Variants in SLC28A3 observed in about 807,000 individuals in gnomAD.
SLC28A3 encodes the protein solute carrier family 28 member 3.
SLC28A3 carries 68 observed loss-of-function variants against 84.2 expected under a neutral mutation model. The ratio of observed to expected loss-of-function variants is 0.81; its 90% CI spans 0.66 to 0.99. The LOEUF (loss-of-function observed/expected upper bound fraction) is 0.99. Among genes scored for constraint, SLC28A3 ranks in the 50% least tolerant of loss-of-function variants. SLC28A3 has a pLI of 0.00. For synonymous variants in SLC28A3, 267 were observed against 303.6 expected, an observed-to-expected ratio of 0.88 and a Z score of 1.25; for missense variants, 712 against 841.5, an observed-to-expected ratio of 0.85 and a Z score of 1.90.
chr9:84,313,344 A>G lies in SLC28A3; in HGVS notation c.156+15T>C. On this transcript the variant is annotated intron_variant, in intron 2 of 17. Transcript: ENST00000376238. Reference sequence around the variant, plus strand: ...TGCCATGGTACTAGAGTCATGCACCACAGTCTTGCTGTACCTGTTTGGTGT... The same window carrying G: ...TGCCATGGTACTAGAGTCATGCACCGCAGTCTTGCTGTACCTGTTTGGTGT... The G allele has an allele frequency of 6.2e-7, 1 of 1,612,648 alleles. No individual in the cohort carries two copies. The highest frequency in any genetic ancestry group is 8.5e-7 in the Non-Finnish European group (1 of 1,179,076).
rs895222930 is a variant in SLC28A3 at position 84,278,434 on chromosome 9, C to A, written c.1950-90G>T. On this transcript the variant is annotated intron_variant, in intron 17 of 17. Transcript: ENST00000376238. ...CAATGACATTAAAAATAGTTCAGGGCAGGAAGCTGATTTTCTTGCTCACAT... is the reference window on the plus strand; with the variant it reads ...CAATGACATTAAAAATAGTTCAGGGAAGGAAGCTGATTTTCTTGCTCACAT... 8.6e-6 allele frequency: 13 copies of A among 1,518,842 alleles called. No homozygotes were observed. The African/African-American group carries it at 1.4e-4, about 16-fold the overall frequency. 94.1% of individuals were successfully genotyped at this position (1,518,842 alleles called of 1,614,324 possible). A position where few individuals can be genotyped will look rare whatever the true frequency, so the allele number is the denominator to read the frequency against.
chr9:84,350,424 A>G, the SLC28A3 span, among the ~76,000 whole-genome samples: 3 of 152,016 alleles, frequency 2.0e-5, no homozygotes, highest in African/African-American at 7.2e-5. Context: ...CTGGGCAACA[A>G]GAGTGAAACC....
intron 5 of SLC28A3, among the ~76,000 whole-genome samples, chr9:84,300,573 C>T (rs1388026322): frequency 6.6e-6 from 1 of 152,166 alleles, no homozygotes; most frequent in Non-Finnish European, 1.5e-5. Context: ...GTTGGGATTG[C>T]ACAAGCCCAG....
intron 1 of SLC28A3, among the ~76,000 whole-genome samples, chr9:84,336,752 C>T (rs1159963211): frequency 6.6e-6 from 1 of 152,196 alleles, no homozygotes; most frequent in African/African-American, 2.4e-5. Context: ...CAGAGGCCAC[C>T]TGACCTGATG....
chr9:84,342,189 T>C (rs1030039401), upstream of SLC28A3, among the ~76,000 whole-genome samples: 3 of 148,874 alleles, frequency 2.0e-5, no homozygotes, highest in African/African-American at 7.5e-5. Context: ...CCAAGTATTA[T>C]GAGTGGTTAT....
At chr9:84,319,450 G>C (rs978019644) in intron 1 of SLC28A3, among the ~76,000 whole-genome samples, 2 of 152,204 alleles carry the variant, frequency 1.3e-5, no homozygotes, top group South Asian at 2.1e-4. Flanking sequence ...GGGTCACTTG[G>C]ACTCAGGAGT....
chr9:84,287,309 C>G (rs185121100), intron 12 of SLC28A3, among the ~76,000 whole-genome samples: 1 of 152,156 alleles, frequency 6.6e-6, no homozygotes, highest in East Asian at 1.9e-4. Flanking sequence ...ATTTCAGACA[C>G]ATGTTGGTTG....
chr9:84,346,613 T>C, the SLC28A3 span, among the ~76,000 whole-genome samples: 2 of 152,230 alleles, frequency 1.3e-5, no homozygotes, highest in African/African-American at 2.4e-5. Flanking sequence ...TAAGGCTTAG[T>C]CTAATTAACT....
chr9:84,292,266 A>G (rs955095611), intron 10 of SLC28A3, among the ~76,000 whole-genome samples: 4 of 152,220 alleles, frequency 2.6e-5, no homozygotes, highest in African/African-American at 9.6e-5. Context: ...AAGAGCTACC[A>G]GCCTCTGAAG....
intron 5 of SLC28A3, among the ~76,000 whole-genome samples, chr9:84,300,333 A>C (rs1054840299): frequency 4.6e-5 from 7 of 152,204 alleles, no homozygotes; most frequent in Non-Finnish European, 7.3e-5. Context: ...GATTTCTTTA[A>C]GAGAGCTACT....
chr9:84,294,083 A>G, intron 9 of SLC28A3, 112 bp downstream of exon 9: 7 of 876,272 alleles, frequency 8.0e-6, no homozygotes, highest in Non-Finnish European at 1.2e-5. Context: ...ATGGTGGATA[A>G]TGGTAGGAAG....
chr9:84,359,322 G>C, the SLC28A3 span, among the ~76,000 whole-genome samples: 1 of 152,126 alleles, frequency 6.6e-6, no homozygotes, highest in Non-Finnish European at 1.5e-5. Flanking sequence ...TTCACTTCTA[G>C]AAATCTGTCT....
rs752140004 is a variant in SLC28A3, at chr9:84,285,928, G to A, written c.1449+15C>T. The stretch of plus-strand genomic sequence containing the variant: ...CAGAAACAAAACAGAGGGCAGGGGC[G>A]TGATGTGATTATACCTCAAAACTCA... On this transcript the variant is annotated intron_variant, in intron 13 of 17. Coordinates refer to ENST00000376238, the MANE Select transcript of SLC28A3 (RefSeq NM_001199633.2). 5.2e-5 allele frequency: 83 copies of A among 1,608,318 alleles called. No individual in the cohort carries two copies. Among genetic ancestry groups the A allele is most frequent in the South Asian group, 1.5e-4 (14 of 90,474 alleles).
At chr9:84,299,110 G>A (rs1032097015) in intron 6 of SLC28A3, among the ~76,000 whole-genome samples, 1 of 152,052 alleles carries the variant, frequency 6.6e-6, no homozygotes, top group Non-Finnish European at 1.5e-5. Context: ...CCCATTTCAC[G>A]GGTTACCAGT....
intron 2 of SLC28A3, 56 bp from the exon 3 acceptor site, chr9:84,309,770 A>G: frequency 6.7e-7 from 1 of 1,483,732 alleles, no homozygotes. Context: ...GGCATAATGG[A>G]CCCTGGTTTC....
intron 1 of SLC28A3, among the ~76,000 whole-genome samples, chr9:84,321,642 G>A (rs552839376): frequency 2.7e-5 from 4 of 150,784 alleles, no homozygotes; most frequent in Non-Finnish European, 5.9e-5. Flanking sequence ...GCTGAGGCAG[G>A]AGAATCACTT....
At chr9:84,366,863 C>T in the SLC28A3 span, among the ~76,000 whole-genome samples, 1 of 152,176 alleles carries the variant, frequency 6.6e-6, no homozygotes, top group Non-Finnish European at 1.5e-5. Flanking sequence ...CTGAGTCTCA[C>T]CCAAGACCTT....
chr9:84,351,419 G>T, the SLC28A3 span, among the ~76,000 whole-genome samples: 61 of 152,332 alleles, frequency 4.0e-4, no homozygotes, highest in Non-Finnish European at 7.9e-4. Flanking sequence ...AGCACTTTGT[G>T]AGGCAGAGAT....
In SLC28A3 at chr9:84,279,253, A is replaced by C; in HGVS notation, c.1949+12T>G. On this transcript the variant is annotated intron_variant, in intron 17 of 17. Coordinates refer to ENST00000376238, the MANE Select transcript of SLC28A3 (RefSeq NM_001199633.2). The stretch of plus-strand genomic sequence containing the variant: ...ATGGAGTATAAAGAAATTATAATCA[A>C]GAATACAATACCTGCTCAACAGACT... 6.3e-7 allele frequency: 1 copy of C among 1,598,870 alleles called. No individual in the cohort carries two copies. Among genetic ancestry groups the C allele is most frequent in the Non-Finnish European group, 8.5e-7 (1 of 1,174,880 alleles).
Sources: allele counts gnomAD v4.1 joint callset (sites outside exome capture counted in the v4.1 genomes callset), GRCh38; gene constraint gnomAD v4.1.1; transcripts MANE v1.5; gene names NCBI Gene and HGNC (gene_info 2026-07-23, HGNC 2026-07-21).